The following CYSLTR2 variants were observed in gnomAD, a reference collection of about 807,000 sequenced individuals.
CYSLTR2 encodes the protein cysteinyl leukotriene receptor 2, also known as G-protein coupled receptor GPCR21.
For synonymous variants in CYSLTR2, 179 were observed against 160.8 expected (o/e 1.11, Z -0.86); for missense variants, 398 against 411.9 (o/e 0.97, Z 0.29).
At chr13:48,656,671 C>G (rs1326318513) in intron 1 of CYSLTR2, among the ~76,000 whole-genome samples, 4 of 152,130 alleles carry the variant, frequency 2.6e-5, no homozygotes, top group Non-Finnish European at 4.4e-5. Flanking sequence ...ATGATGGTTA[C>G]CTTGGGCATC....
chr13:48,698,212 A>C (rs1954247305), intron 4 of CYSLTR2, among the ~76,000 whole-genome samples: 2 of 152,196 alleles, frequency 1.3e-5, no homozygotes, highest in Admixed American at 6.5e-5. Context: ...TCCAAGACAC[A>C]TAATTGTCAG....
chr13:48,679,496 T>C (rs1367795724), intron 1 of CYSLTR2, among the ~76,000 whole-genome samples: 1 of 152,204 alleles, frequency 6.6e-6, no homozygotes, highest in African/African-American at 2.4e-5. Flanking sequence ...TCAAGCCACA[T>C]CCTACCACTA....
intron 2 of CYSLTR2, among the ~76,000 whole-genome samples, chr13:48,692,913 T>C (rs1329854377): frequency 5.3e-5 from 8 of 151,814 alleles, no homozygotes; most frequent in Non-Finnish European, 1.0e-4. Flanking sequence ...TCAGTGTTTT[T>C]ATGTTTATTT....
At position 48,711,144 on chromosome 13, in the gene CYSLTR2, G is replaced by C. The variant is rs952381973; in HGVS notation, c.*3286G>C. On this transcript the variant is annotated 3_prime_UTR_variant, in exon 5 of 5. Transcript: ENST00000682523. The stretch of plus-strand genomic sequence containing the variant: ...AGGATAGGGTGGGGACTTATTTTAC[G>C]AACTGTGTAATTGCCTAACTTGTGA... 2 of 152,096 alleles carry C rather than the reference G, an allele frequency of 1.3e-5. No individual in the cohort carries two copies. Among genetic ancestry groups the C allele is most frequent in the Admixed American group, 6.5e-5 (1 of 15,276 alleles). The allele number at this position is 152,096 out of a possible 1,614,324, so 9.4% of individuals were successfully genotyped here.
chr13:48,700,122 C>T (rs1417651314), intron 4 of CYSLTR2, among the ~76,000 whole-genome samples: 3 of 152,180 alleles, frequency 2.0e-5, no homozygotes, highest in African/African-American at 7.2e-5. Context: ...CCTTCTGAAA[C>T]TATTCCAATC....
chr13:48,688,293 T>C (rs758467442), intron 1 of CYSLTR2, among the ~76,000 whole-genome samples: 1 of 152,056 alleles, frequency 6.6e-6, no homozygotes, highest in Non-Finnish European at 1.5e-5. Context: ...TACTTTTAAG[T>C]TATGGGCTAC....
chr13:48,688,115 G>A (rs973521125), intron 1 of CYSLTR2, among the ~76,000 whole-genome samples: 2 of 152,118 alleles, frequency 1.3e-5, no homozygotes, highest in Non-Finnish European at 2.9e-5. Context: ...GAGGACCTCA[G>A]CAGATGTATT....
intron 1 of CYSLTR2, among the ~76,000 whole-genome samples, chr13:48,689,814 G>A (rs1204580089): frequency 6.6e-6 from 1 of 152,132 alleles, no homozygotes; most frequent in African/African-American, 2.4e-5. Flanking sequence ...AGCTTGATGG[G>A]CATAGCACTG....
At chr13:48,690,423 G>C (rs1168971862) in intron 1 of CYSLTR2, among the ~76,000 whole-genome samples, 4 of 152,040 alleles carry the variant, frequency 2.6e-5, no homozygotes, top group South Asian at 4.2e-4. Context: ...TTGAGATTAT[G>C]TTTCATCAAT....
intron 4 of CYSLTR2, among the ~76,000 whole-genome samples, chr13:48,705,639 A>G (rs1220089608): frequency 2.0e-5 from 3 of 149,032 alleles, no homozygotes; most frequent in Admixed American, 6.7e-5. Flanking sequence ...ACATATATAT[A>G]TATCTTATGA....
intron 4 of CYSLTR2, among the ~76,000 whole-genome samples, chr13:48,706,166 T>C (rs1330965150): frequency 6.6e-6 from 1 of 152,036 alleles, no homozygotes; most frequent in Non-Finnish European, 1.5e-5. Context: ...CCGCTAATTT[T>C]TGTATTTTTA....
chr13:48,659,400 T>A (rs1340839925), intron 1 of CYSLTR2, among the ~76,000 whole-genome samples: 1 of 152,222 alleles, frequency 6.6e-6, no homozygotes, highest in Non-Finnish European at 1.5e-5. Context: ...TTGGGTTCAG[T>A]TGGGATTTAT....
chr13:48,668,226 C>T (rs577974630), intron 1 of CYSLTR2, among the ~76,000 whole-genome samples: 115 of 150,860 alleles, frequency 7.6e-4, no homozygotes, highest in Non-Finnish European at 1.3e-3. Flanking sequence ...ATACAAGTGC[C>T]ATAGGGATAA....
In CYSLTR2 at chr13:48,710,500, A is replaced by T. The variant is rs1463159862; in HGVS notation, c.*2642A>T. ...AAGAGTAGTGATGCTGGCAAATAAG[A>T]TACACCAAAGAGAAGCTGTAAAGTG... On this transcript the variant is annotated 3_prime_UTR_variant, in exon 5 of 5. Coordinates refer to ENST00000682523, the MANE Select transcript of CYSLTR2 (RefSeq NM_001308476.3). 1.3e-5 allele frequency: 2 copies of T among 152,236 alleles called. No homozygotes were observed. Among genetic ancestry groups the T allele is most frequent in the Non-Finnish European group, 2.9e-5 (2 of 68,046 alleles). The allele number at this position is 152,236 out of a possible 1,614,324, so 9.4% of individuals were successfully genotyped here.
intron 1 of CYSLTR2, among the ~76,000 whole-genome samples, chr13:48,657,709 G>A (rs1372031651): frequency 6.6e-6 from 1 of 151,578 alleles, no homozygotes; most frequent in African/African-American, 2.4e-5. Context: ...CCATGAGGCT[G>A]TAGAAACAGC....
intron 1 of CYSLTR2, among the ~76,000 whole-genome samples, chr13:48,673,022 C>T (rs1298379359): frequency 6.6e-6 from 1 of 152,056 alleles, no homozygotes; most frequent in Non-Finnish European, 1.5e-5. Flanking sequence ...GTTTTACTTC[C>T]AATTATGTGG....
rs1954526256 is a variant in CYSLTR2 at position 48,707,355 on chromosome 13, C to A, written c.538C>A (p.Gln180Lys). Residue 180 changes from glutamine (Q) to lysine (K), a missense_variant, in exon 5 of 5, where the codon CAG (glutamine) becomes AAG (lysine). Gln to Lys is a moderately conservative substitution (Grantham distance 53). Transcript: ENST00000682523. ...AATGCTCCTGGACAGTGGCTCTGAGCAGAACGGCAGTGTCACATCATGCTT... is the reference window on the plus strand; with the variant it reads ...AATGCTCCTGGACAGTGGCTCTGAGAAGAACGGCAGTGTCACATCATGCTT... ...SIMLLDSGSE[Q>K]NGSVTSCLEL... 6 of 1,613,922 alleles carry A rather than the reference C, an allele frequency of 3.7e-6. No individual in the cohort carries two copies. The highest frequency in any genetic ancestry group is 4.5e-5 in the East Asian group (2 of 44,900).
At chr13:48,676,042 A>G (rs991530610) in intron 1 of CYSLTR2, among the ~76,000 whole-genome samples, 5 of 152,130 alleles carry the variant, frequency 3.3e-5, no homozygotes, top group Middle Eastern at 3.4e-3. Flanking sequence ...GAAATCACCC[A>G]CTTTCTGCAT....
At chr13:48,674,553 A>G (rs1953543098) in intron 1 of CYSLTR2, among the ~76,000 whole-genome samples, 1 of 152,156 alleles carries the variant, frequency 6.6e-6, no homozygotes, top group Non-Finnish European at 1.5e-5. Context: ...GATTTCTTGC[A>G]TTGGGCTAGA....
Sources: allele counts gnomAD v4.1 joint callset (sites outside exome capture counted in the v4.1 genomes callset), GRCh38; gene constraint gnomAD v4.1.1; transcripts MANE v1.5; gene names NCBI Gene and HGNC (gene_info 2026-07-23, HGNC 2026-07-21).